USP35: variants seen among roughly 807,000 people sequenced by gnomAD.
The protein encoded by USP35 is ubiquitin carboxyl-terminal hydrolase 35.
USP35 carries 69 observed loss-of-function variants against 83.8 expected under a neutral mutation model. The observed-to-expected ratio is 0.82, with a 90% CI of 0.68 to 1.01. The LOEUF (loss-of-function observed/expected upper bound fraction) is 1.01, where lower values mean the gene tolerates loss of function less well. Ranked by LOEUF, USP35 falls within the 50% of genes least tolerant of loss-of-function variation. The pLI is 0.00. For missense variants in USP35, 1,503 were observed against 1,362.5 expected, an observed-to-expected ratio of 1.10 and a Z score of -1.62; for synonymous variants, 714 against 589.5, an observed-to-expected ratio of 1.21 and a Z score of -3.06.
At chr11:78,232,282 A>C in the USP35 span, among the ~76,000 whole-genome samples, 1 of 152,188 alleles carries the variant, frequency 6.6e-6, no homozygotes, top group African/African-American at 2.4e-5. Context: ...AATCTCACCA[A>C]TGAAATTTCA....
In USP35 at chr11:78,209,620, C is replaced by T. The variant is rs778200170; in HGVS notation, c.1765C>T (p.Arg589Trp). 1.9e-5 allele frequency: 30 copies of T among 1,613,974 alleles called. No homozygotes were observed. The highest frequency in any genetic ancestry group is 4.5e-5 in the East Asian group (2 of 44,872). Reference protein sequence around the residue: ...CCLCCLNVSSREEAFTDLSLA... With the variant: ...CCLCCLNVSSWEEAFTDLSLA... ...TCTCTGCTGCCTCAACGTCTCCTCCCGGGAGGAGGCCTTCACGGACCTCTC... is the reference window on the plus strand; with the variant it reads ...TCTCTGCTGCCTCAACGTCTCCTCCTGGGAGGAGGCCTTCACGGACCTCTC... Residue 589 changes from arginine to tryptophan, a missense_variant, in exon 10 of 11, where the codon CGG becomes TGG. By Grantham distance (101) the Arg-to-Trp change is moderately radical (BLOSUM62 -3). Coordinates refer to ENST00000529308, the MANE Select transcript of USP35 (RefSeq NM_020798.4).
rs1256611624 is a variant in USP35, at chr11:78,215,121, T to TGCTA, written c.*1310_*1313dup. On this transcript the variant is annotated 3_prime_UTR_variant, in exon 11 of 11. Coordinates refer to ENST00000529308, the MANE Select transcript of USP35 (RefSeq NM_020798.4). ...CGCCTAAGAAAGCTGGATGGGTAAA[T>TGCTA]GCTAGTATGATTTCCACTTTACAAC... Among the ~76,000 whole-genome samples the TGCTA allele has an allele frequency of 6.6e-6, 1 of 152,106 alleles. No individual in the cohort carries two copies. Among genetic ancestry groups the TGCTA allele is most frequent in the Non-Finnish European group, 1.5e-5 (1 of 68,014 alleles).
At chr11:78,205,460 AC>A (rs1279607470) in intron 6 of USP35, among the ~76,000 whole-genome samples, 1 of 152,216 alleles carries the variant, frequency 6.6e-6, no homozygotes, top group African/African-American at 2.4e-5. Context: ...TGACATCCTG[AC>A]ATTACTGGAT....
intron 1 of USP35, among the ~76,000 whole-genome samples, chr11:78,194,168 T>A (rs962035748): frequency 9.0e-6 from 1 of 110,802 alleles, no homozygotes; most frequent in African/African-American, 2.7e-5. Flanking sequence ...AGGCACACAC[T>A]CTTGGCATGA....
chr11:78,226,848 T>C, the USP35 span: 98 of 1,613,894 alleles, frequency 6.1e-5, 1 homozygote, highest in South Asian at 9.8e-4. Flanking sequence ...GGTGTGGCCA[T>C]GGGAGGCCAG....
intron 7 of USP35, 95 bp downstream of exon 7, chr11:78,206,130 A>G: frequency 1.7e-6 from 2 of 1,147,354 alleles, no homozygotes; most frequent in Non-Finnish European, 1.2e-6. Flanking sequence ...GGGGTTGGAG[A>G]GGGTGGGCCT....
At chr11:78,230,334 G>A in the USP35 span, among the ~76,000 whole-genome samples, 3 of 152,172 alleles carry the variant, frequency 2.0e-5, no homozygotes. Flanking sequence ...CATGTCCTGT[G>A]TAGTCTAAAC....
intron 10 of USP35, among the ~76,000 whole-genome samples, chr11:78,213,151 C>G (rs553427563): frequency 1.5e-4 from 23 of 152,322 alleles, no homozygotes; most frequent in African/African-American, 5.5e-4. Context: ...TGCTGTTTTA[C>G]CAGCAGCAGC....
chr11:78,197,836 A>G, intron 2 of USP35, 100 bp from the exon 3 acceptor site: 5 of 1,477,642 alleles, frequency 3.4e-6, no homozygotes, highest in Admixed American at 4.8e-5. Flanking sequence ...TGCTCTTCCT[A>G]GAGGCCCAGC....
chr11:78,208,441 G>C (rs1271839131), intron 8 of USP35, among the ~76,000 whole-genome samples: 1 of 152,176 alleles, frequency 6.6e-6, no homozygotes, highest in East Asian at 1.9e-4. Flanking sequence ...AGCTCTGTGT[G>C]GGGGCACAGA....
At chr11:78,203,579 T>C (rs1255459379) in intron 6 of USP35, among the ~76,000 whole-genome samples, 1 of 149,880 alleles carries the variant, frequency 6.7e-6, no homozygotes, top group Non-Finnish European at 1.5e-5. Flanking sequence ...TGTTTTAATA[T>C]TACATTTTTT....
chr11:78,216,474 T>G (rs1455238853), downstream of USP35: 1 of 152,104 alleles, frequency 6.6e-6, no homozygotes, highest in African/African-American at 2.4e-5. Context: ...CGGCTGGTAG[T>G]TTGGGGCCTG....
the USP35 span, among the ~76,000 whole-genome samples, chr11:78,231,336 GGTGTGTGTGTGTGT>G: frequency 2.6e-4 from 38 of 145,898 alleles, no homozygotes; most frequent in African/African-American, 7.8e-4. Flanking sequence ...GCGCGTGTGT[GGTGTGTGTGTGTGT>G]GTGTGTGTGT....
At chr11:78,206,411 A>G (rs950774709) in intron 7 of USP35, among the ~76,000 whole-genome samples, 4 of 152,216 alleles carry the variant, frequency 2.6e-5, no homozygotes, top group Non-Finnish European at 5.9e-5. Flanking sequence ...CAATCTTTAT[A>G]GTCTATGGCC....
chr11:78,217,880 C>T (rs1864228562), downstream of USP35: 1 of 152,394 alleles, frequency 6.6e-6, no homozygotes. Flanking sequence ...TGGGCACAAG[C>T]TGTCAGCCAT....
chr11:78,211,855 T>C (rs1239206081), intron 10 of USP35, among the ~76,000 whole-genome samples: 2 of 152,236 alleles, frequency 1.3e-5, no homozygotes, highest in Non-Finnish European at 2.9e-5. Flanking sequence ...TTAGGTCAGA[T>C]GGGTAGTTTG....
the USP35 span, chr11:78,220,427 T>C: frequency 1.9e-6 from 3 of 1,583,612 alleles, no homozygotes; most frequent in Non-Finnish European, 2.6e-6. Context: ...GAACGGGAGA[T>C]GCAGACACTG....
rs757032398 is a variant in USP35, at chr11:78,196,355, A to G, written c.110A>G (p.Gln37Arg). Reference sequence around the variant, plus strand: ...GCGCGGCAGCCGCTGGAGCGTGAGCAGTGCCTGGCGCTGCTGGCGCTGGGC... The same window carrying G: ...GCGCGGCAGCCGCTGGAGCGTGAGCGGTGCCTGGCGCTGCTGGCGCTGGGC... ...EAARQPLERE[Q>R]CLALLALGAR... is the part of the protein sequence containing the mutation. The change falls in exon 2 of 11, where the codon CAG becomes CGG. Residue 37 changes from glutamine (Q) to arginine (R), a missense_variant. Coordinates refer to ENST00000529308, the MANE Select transcript of USP35 (RefSeq NM_020798.4). The surrounding 1 kb of genome is among the most constrained non-coding windows in gnomAD (Gnocchi z 4.8). 8.3e-6 allele frequency: 13 copies of G among 1,561,714 alleles called. No individual in the cohort carries two copies. The African/African-American group carries it at 9.8e-5, about 12-fold the overall frequency.
intron 4 of USP35, 142 bp downstream of exon 4, chr11:78,199,866 G>C: frequency 1.5e-6 from 2 of 1,368,906 alleles, no homozygotes; most frequent in Non-Finnish European, 2.0e-6. Context: ...GCCCCTCTCT[G>C]GGCCTCAGAT....
Sources: gnomAD v4.1 joint callset for allele counts (sites outside exome capture counted in the v4.1 genomes callset) on GRCh38, gnomAD v4.1.1 for gene constraint, Gnocchi (gnomAD v3.1) non-coding constraint, MANE v1.5 for transcripts, NCBI Gene and HGNC (gene_info 2026-07-23, HGNC 2026-07-21) for gene names.